RRP1: variants seen among roughly 807,000 people sequenced by gnomAD.
RRP1 encodes ribosomal RNA processing protein 1 homolog A.
A neutral mutation model predicts 54.6 loss-of-function variants in RRP1; 37 were observed. The ratio of observed to expected loss-of-function variants is 0.68; its 90% confidence interval spans 0.52 to 0.89. RRP1 has a LOEUF of 0.89. Among genes scored for constraint, RRP1 ranks in the 40% least tolerant of loss-of-function variants. The pLI, the probability that RRP1 is intolerant of heterozygous loss-of-function variation, is 0.00. For missense variants in RRP1, 639 were observed against 612.5 expected (o/e 1.04, Z -0.46); for synonymous variants, 262 against 244.3 (o/e 1.07, Z -0.67).
intron 3 of RRP1, chr21:43,793,056 G>T (rs981409036): frequency 1.3e-5 from 7 of 549,552 alleles, no homozygotes; most frequent in Non-Finnish European, 1.9e-5. Flanking sequence ...TCCTGCAGTT[G>T]ATTTTTCTGA....
chr21:43,794,263 T>C (rs1213026365), intron 4 of RRP1, among the ~76,000 whole-genome samples: 1 of 152,178 alleles, frequency 6.6e-6, no homozygotes, highest in African/African-American at 2.4e-5. Flanking sequence ...GGCCCGGCCA[T>C]GCACTCAGAC....
intron 11 of RRP1, among the ~76,000 whole-genome samples, chr21:43,801,491 T>C (rs565908851): frequency 6.6e-6 from 1 of 152,340 alleles, no homozygotes; most frequent in African/African-American, 2.4e-5. Context: ...TTTTTATTTT[T>C]TGAGGCGGTG....
chr21:43,795,351 A>G (rs1346433242), intron 5 of RRP1, 101 bp downstream of exon 5: 2 of 1,071,762 alleles, frequency 1.9e-6, no homozygotes, highest in Non-Finnish European at 2.9e-6. Context: ...CAGCCTTTAT[A>G]TTAACGCATG....
intron 12 of RRP1, chr21:43,802,598 T>G: frequency 1.8e-6 from 1 of 547,282 alleles, no homozygotes; most frequent in South Asian, 1.9e-5. Context: ...CTTCCTTGTC[T>G]GCAGCTCCCC....
intron 9 of RRP1, among the ~76,000 whole-genome samples, 163 bp downstream of exon 9, chr21:43,799,812 C>T (rs112553394): frequency 1.3e-5 from 2 of 151,838 alleles, no homozygotes; most frequent in African/African-American, 2.4e-5. Flanking sequence ...TGCCCCAACC[C>T]TGCCCGCCTG....
chr21:43,798,039 C>G lies in RRP1; in HGVS notation c.750C>G (p.Ser250=). 1 of 1,614,146 alleles carries G rather than the reference C, an allele frequency of 6.2e-7. No individual in the cohort carries two copies. The highest frequency in any genetic ancestry group is 8.5e-7 in the Non-Finnish European group (1 of 1,180,010). ...DEEVASDSDE[S]SEGGERGDAL... is the part of the protein sequence containing the mutation. The stretch of plus-strand genomic sequence containing the variant: ...AGGTGGCGTCGGACAGTGATGAGTC[C>G]TCTGAGGGTGGTGAGCGTGGAGACG... The change falls in exon 8 of 13, where the codon TCC becomes TCG. Residue 250 remains serine (S), a synonymous_variant. Coordinates refer to ENST00000497547, the MANE Select transcript of RRP1 (RefSeq NM_003683.6).
chr21:43,801,618 G>A (rs927585700), intron 11 of RRP1, among the ~76,000 whole-genome samples: 6 of 152,178 alleles, frequency 3.9e-5, no homozygotes, highest in South Asian at 2.1e-4. Context: ...GACCACAGGC[G>A]CACGCCACCA....
Position 43,789,678 on chromosome 21 carries a change from C to A in RRP1, c.49C>A (p.Leu17Met). ...GCCTGAGATCCAGCTGGCTCAGCGC[C>A]TGGCGGGGAATGAGCAGGTGACCCG... is the stretch of plus-strand genomic sequence containing the variant. ...LPPEIQLAQR[L>M]AGNEQVTRDR... The change falls in exon 1 of 13, where the codon CTG becomes ATG. Residue 17 changes from leucine (L) to methionine (M), a missense_variant. Coordinates refer to ENST00000497547, the MANE Select transcript of RRP1 (RefSeq NM_003683.6). 6.4e-7 allele frequency: 1 copy of A among 1,572,170 alleles called. No individual in the cohort carries two copies. The highest frequency in any genetic ancestry group is 8.6e-7 in the Non-Finnish European group (1 of 1,160,174).
chr21:43,790,642 C>T (rs2084947221), intron 1 of RRP1: 1 of 194,188 alleles, frequency 5.1e-6, no homozygotes, highest in Non-Finnish European at 1.1e-5. Flanking sequence ...TGGAGGAGTG[C>T]ATTGGCACGA....
intron 5 of RRP1, among the ~76,000 whole-genome samples, chr21:43,796,874 A>C (rs1043352724): frequency 6.6e-6 from 1 of 152,200 alleles, no homozygotes; most frequent in African/African-American, 2.4e-5. Flanking sequence ...GATGCCATCA[A>C]ACCCGCCTGC....
chr21:43,798,801 C>T (rs2085051700), intron 8 of RRP1, among the ~76,000 whole-genome samples: 2 of 152,256 alleles, frequency 1.3e-5, no homozygotes, highest in South Asian at 4.1e-4. Flanking sequence ...AGTGTGGCAT[C>T]CTGGTGCTGT....
intron 1 of RRP1, 92 bp from the exon 2 acceptor site, chr21:43,791,258 G>T (rs1205804781): frequency 1.1e-5 from 15 of 1,334,312 alleles, no homozygotes; most frequent in Non-Finnish European, 1.6e-5. Flanking sequence ...TGGGACTTTG[G>T]TCTCATTCAG....
intron 2 of RRP1, 37 bp downstream of exon 2, chr21:43,791,469 G>T: frequency 6.3e-7 from 1 of 1,594,916 alleles, no homozygotes; most frequent in South Asian, 1.1e-5. Context: ...TACAGAAGCA[G>T]CGGGGGAGGA....
At position 43,797,441 on chromosome 21, in the gene RRP1, G is replaced by A. The variant is rs766658198; in HGVS notation, c.442G>A (p.Glu148Lys). 6.2e-7 allele frequency: 1 copy of A among 1,612,750 alleles called. No individual in the cohort carries two copies. The change falls in exon 6 of 13, where the codon GAG becomes AAG. Residue 148 changes from glutamate to lysine, a missense_variant. Glu to Lys is a moderately conservative substitution (Grantham distance 56). Transcript: ENST00000497547. The part of the protein sequence containing the change: ...WEERQIEELL[E>K]LLMTEILHPS... ...CCTCAGACAGATCGAGGAGCTGCTAGAGCTGCTGATGACTGAGATCCTGCA... is the reference window on the plus strand; with the variant it reads ...CCTCAGACAGATCGAGGAGCTGCTAAAGCTGCTGATGACTGAGATCCTGCA...
intron 4 of RRP1, 34 bp from the exon 5 acceptor site, chr21:43,795,155 C>T (rs772787497): frequency 1.2e-6 from 2 of 1,601,398 alleles, no homozygotes; most frequent in African/African-American, 2.7e-5. Flanking sequence ...TAGGGCTGGG[C>T]TTCTGCTAAT....
At chr21:43,801,029 G>T (rs755544013) in intron 11 of RRP1, 148 bp downstream of exon 11, 1 of 873,738 alleles carries the variant, frequency 1.1e-6, no homozygotes, top group Non-Finnish European at 1.9e-6. Flanking sequence ...GGGAGGCAGG[G>T]CGCAGGGTTC....
chr21:43,789,601 C>T lies in RRP1; in HGVS notation c.-29C>T, dbSNP rs374847231. On this transcript the variant is annotated 5_prime_UTR_variant, in exon 1 of 13. Coordinates refer to ENST00000497547, the MANE Select transcript of RRP1 (RefSeq NM_003683.6). Reference sequence around the variant, plus strand: ...CAGTGTGCTGGGTACCAGGCGACTCCGGGACAGGGGGTCTCGGCCGTCGGC... The same window carrying T: ...CAGTGTGCTGGGTACCAGGCGACTCTGGGACAGGGGGTCTCGGCCGTCGGC... 1.9e-6 allele frequency: 3 copies of T among 1,580,108 alleles called. No individual in the cohort carries two copies. The highest frequency in any genetic ancestry group is 2.4e-5 in the East Asian group (1 of 42,006).
intron 12 of RRP1, 200 bp downstream of exon 12, chr21:43,802,587 C>T: frequency 1.8e-6 from 1 of 559,790 alleles, no homozygotes; most frequent in Non-Finnish European, 3.3e-6. Flanking sequence ...CCCCCACCCA[C>T]CTTCCTTGTC....
intron 9 of RRP1, 89 bp from the exon 10 acceptor site, chr21:43,800,428 A>G: frequency 1.6e-6 from 2 of 1,227,670 alleles, no homozygotes; most frequent in Non-Finnish European, 2.4e-6. Flanking sequence ...AGTGGGACCA[A>G]GTGCTATCTG....
Sources: gnomAD v4.1 joint callset for allele counts (sites outside exome capture counted in the v4.1 genomes callset) on GRCh38, gnomAD v4.1.1 for gene constraint, MANE v1.5 for transcripts, NCBI Gene and HGNC (gene_info 2026-07-23, HGNC 2026-07-21) for gene names.